Variants in SLC17A2 observed in about 807,000 individuals in gnomAD.
SLC17A2 encodes the protein solute carrier family 17 member 2.
In SLC17A2, 38 loss-of-function variants were observed where a neutral mutation model predicts 52.1. That is an observed-to-expected ratio of 0.73 (90% CI 0.56 to 0.96). The LOEUF (loss-of-function observed/expected upper bound fraction) is 0.96. Among genes scored for constraint, SLC17A2 ranks in the 40% least tolerant of loss-of-function variants. The pLI, the probability that SLC17A2 is intolerant of heterozygous loss-of-function variation, is 0.00. For synonymous variants in SLC17A2, 226 were observed against 211.9 expected (o/e 1.07, Z -0.58); for missense variants, 508 against 583.9 (o/e 0.87, Z 1.34).
chr6:25,922,048 A>G (rs995770660), intron 3 of SLC17A2, among the ~76,000 whole-genome samples: 1 of 151,330 alleles, frequency 6.6e-6, no homozygotes, highest in East Asian at 1.9e-4. Context: ...ATAAAAAATA[A>G]AATAGATTTT....
intron 1 of SLC17A2, among the ~76,000 whole-genome samples, chr6:25,927,432 C>T (rs547732450): frequency 6.6e-6 from 1 of 152,308 alleles, no homozygotes; most frequent in South Asian, 2.1e-4. Context: ...TGCACATCCA[C>T]ATACAGGAAT....
At chr6:25,915,178 T>TATATATATATATATGTG (rs1766260895) in intron 10 of SLC17A2, among the ~76,000 whole-genome samples, 1 of 105,624 alleles carries the variant, frequency 9.5e-6, no homozygotes, top group Admixed American at 1.0e-4. Flanking sequence ...TATATATATA[T>TATATATATATATATGTG]GGTAGCTAAT....
intron 2 of SLC17A2, among the ~76,000 whole-genome samples, chr6:25,924,686 G>A (rs928812111): frequency 4.6e-5 from 7 of 151,860 alleles, no homozygotes; most frequent in African/African-American, 1.2e-4. Context: ...ATGCATGCCT[G>A]TAATCCCAGC....
intron 2 of SLC17A2, among the ~76,000 whole-genome samples, chr6:25,924,653 A>T (rs1766690171): frequency 6.6e-6 from 1 of 152,044 alleles, no homozygotes; most frequent in African/African-American, 2.4e-5. Flanking sequence ...TACTAAAAAT[A>T]CAAAAATTAC....
Position 25,913,071 on chromosome 6 carries a change from C to T in SLC17A2, c.*246G>A, listed in dbSNP as rs74750625. 0.02 allele frequency: 7,590 copies of T among 383,952 alleles called. 110 individuals carry two copies. The highest frequency in any genetic ancestry group is 0.029 in the Non-Finnish European group (6,097 of 213,920). The allele number at this position is 383,952 out of a possible 1,614,324, so 23.8% of individuals were successfully genotyped here. A position where few individuals can be genotyped will look rare whatever the true frequency, so the allele number is the denominator to read the frequency against. ...TTGTCCAGCTGTTGTCAACCCCGGG[C>T]GCATGCTAGAAACCTCTAAGGAGTA... On this transcript the variant is annotated 3_prime_UTR_variant, in exon 12 of 12. Coordinates refer to ENST00000377850, the MANE Select transcript of SLC17A2 (RefSeq NM_001286123.3).
rs1766350790 is a variant in SLC17A2, at chr6:25,917,016, T to C, written c.721A>G (p.Ile241Val). ...IYDDPMHHPCISVREKEHILS... is the reference protein window; with the variant it reads ...IYDDPMHHPCVSVREKEHILS... ...ATGTGCTCCTTTTCCCTAACACTTATGCACGGGTGATGCATGGGGTCATCA... is the reference window on the plus strand; with the variant it reads ...ATGTGCTCCTTTTCCCTAACACTTACGCACGGGTGATGCATGGGGTCATCA... Residue 241 changes from isoleucine (I) to valine (V), a missense_variant, in exon 7 of 12, where the codon ATA becomes GTA. Ile to Val is a conservative substitution (Grantham distance 29, BLOSUM62 3). Transcript: ENST00000377850. The C allele has an allele frequency of 2.5e-6, 4 of 1,614,190 alleles. No individual in the cohort carries two copies. The highest frequency in any genetic ancestry group is 1.1e-5 in the South Asian group (1 of 91,078).
intron 3 of SLC17A2, among the ~76,000 whole-genome samples, chr6:25,922,467 TGA>T (rs1439434767): frequency 2.0e-5 from 3 of 152,218 alleles, no homozygotes; most frequent in Non-Finnish European, 4.4e-5. Context: ...GTGAGTGTGC[TGA>T]GAAGCAGGCC....
In SLC17A2 at chr6:25,930,586, T is replaced by A. The variant is rs1393391375; in HGVS notation, c.-393A>T. On this transcript the variant is annotated 5_prime_UTR_variant, in exon 1 of 12. It adds an upstream start codon to the 5' untranslated region. Coordinates refer to ENST00000377850, the MANE Select transcript of SLC17A2 (RefSeq NM_001286123.3). ...TTAAGCCCTAGACTATAAGGCTAACTTGGAAAAGGAGGGAGTTTTCTGTCC... is the reference window on the plus strand; with the variant it reads ...TTAAGCCCTAGACTATAAGGCTAACATGGAAAAGGAGGGAGTTTTCTGTCC... The A allele has an allele frequency of 6.6e-6, 1 of 152,204 alleles. No homozygotes were observed. The highest frequency in any genetic ancestry group is 1.5e-5 in the Non-Finnish European group (1 of 68,038). 9.4% of individuals were successfully genotyped at this position (152,204 alleles called of 1,614,324 possible).
At position 25,913,294 on chromosome 6, in the gene SLC17A2, T is replaced by A. The variant is rs1446842340; in HGVS notation, c.*23A>T. The A allele has an allele frequency of 1.9e-6, 3 of 1,613,928 alleles. No homozygotes were observed. ...TAAAAAGTTCATGCTCAGTACCACATTTAAGTTTGTAACTTTATGTCCTCA... is the reference window on the plus strand; with the variant it reads ...TAAAAAGTTCATGCTCAGTACCACAATTAAGTTTGTAACTTTATGTCCTCA... On this transcript the variant is annotated 3_prime_UTR_variant, in exon 12 of 12. Transcript: ENST00000377850.
intron 5 of SLC17A2, 115 bp from the exon 6 acceptor site, chr6:25,918,688 G>A (rs1453215201): frequency 4.6e-6 from 3 of 655,708 alleles, no homozygotes; most frequent in Non-Finnish European, 5.5e-6. Flanking sequence ...TGGGCAATGA[G>A]AGTATTTATT....
chr6:25,913,146 A>G lies in SLC17A2; in HGVS notation c.*171T>C. The G allele has an allele frequency of 1.5e-6, 1 of 657,790 alleles. No homozygotes were observed. 40.7% of individuals were successfully genotyped at this position (657,790 alleles called of 1,614,324 possible). ...TCCACCCCAGACCAATTCATTCAGA[A>G]TCTCTGGAGTGGGTCCCAAGTATCA... On this transcript the variant is annotated 3_prime_UTR_variant, in exon 12 of 12. Transcript: ENST00000377850.
chr6:25,914,527 CA>C (rs1452275965), intron 11 of SLC17A2, 52 bp downstream of exon 11: 1 of 1,151,272 alleles, frequency 8.7e-7, no homozygotes, highest in South Asian at 1.2e-5. Flanking sequence ...TGTGTATCTC[CA>C]ACACCTAAAA....
At chr6:25,923,546 A>G (rs762509497) in intron 3 of SLC17A2, 149 bp downstream of exon 3, 49 of 654,866 alleles carry the variant, frequency 7.5e-5, no homozygotes, top group Non-Finnish European at 1.1e-4. Context: ...TTATTATTGA[A>G]GTAAGCAATG....
In SLC17A2 at chr6:25,930,361, T is replaced by C. The variant is rs1021029604; in HGVS notation, c.-168A>G. 1.3e-5 allele frequency: 2 copies of C among 152,216 alleles called. No homozygotes were observed. The highest frequency in any genetic ancestry group is 2.9e-5 in the Non-Finnish European group (2 of 68,050). 9.4% of individuals were successfully genotyped at this position (152,216 alleles called of 1,614,324 possible). ...GCCTTGCCCTAGGGTCTTCATTGAA[T>C]CAGTTATCTTTTTCAGAGAGTCTCT... On this transcript the variant is annotated 5_prime_UTR_variant, in exon 1 of 12. It removes the in-frame stop codon of an upstream open reading frame in the 5' UTR. Coordinates refer to ENST00000377850, the MANE Select transcript of SLC17A2 (RefSeq NM_001286123.3).
At chr6:25,919,892 G>A (rs532175136) in intron 5 of SLC17A2, among the ~76,000 whole-genome samples, 2 of 152,194 alleles carry the variant, frequency 1.3e-5, no homozygotes, top group Admixed American at 6.5e-5. Flanking sequence ...TGCCACTGGA[G>A]CCATGCTTGC....
Position 25,917,056 on chromosome 6 carries a change from C to A in SLC17A2, c.681G>T (p.Trp227Cys), listed in dbSNP as rs1190088038. The A allele has an allele frequency of 1.2e-6, 2 of 1,614,100 alleles. No individual in the cohort carries two copies. The highest frequency in any genetic ancestry group is 8.5e-7 in the Non-Finnish European group (1 of 1,180,012). ...GSTGCVCCLL[W>C]FTVIYDDPMH... ...TGGGGTCATCATAAATCACTGTGAA[C>A]CATAGGAGACAGCAGACACAGCCAG... Residue 227 changes from tryptophan (W) to cysteine (C), a missense_variant, in exon 7 of 12, where the codon TGG (tryptophan) becomes TGT (cysteine). Coordinates refer to ENST00000377850, the MANE Select transcript of SLC17A2 (RefSeq NM_001286123.3).
chr6:25,924,447 T>G (rs1251942954), intron 2 of SLC17A2, among the ~76,000 whole-genome samples: 1 of 151,964 alleles, frequency 6.6e-6, no homozygotes, highest in Non-Finnish European at 1.5e-5. Flanking sequence ...CCTAGTGTAA[T>G]GTCTACTTGG....
intron 5 of SLC17A2, 22 bp downstream of exon 5, chr6:25,920,984 T>C: frequency 1.9e-6 from 3 of 1,606,284 alleles, no homozygotes; most frequent in Non-Finnish European, 2.6e-6. Flanking sequence ...GACAAAGCTA[T>C]GACCCATCTG....
chr6:25,914,502 A>G (rs1233281666), intron 11 of SLC17A2, 78 bp downstream of exon 11: 9 of 901,120 alleles, frequency 1.0e-5, no homozygotes. Flanking sequence ...TGCCATCCAG[A>G]TCTTTAGAGC....
Sources: allele counts gnomAD v4.1 joint callset (sites outside exome capture counted in the v4.1 genomes callset), GRCh38; gene constraint gnomAD v4.1.1; transcripts MANE v1.5; gene names NCBI Gene and HGNC (gene_info 2026-07-23, HGNC 2026-07-21).